CNGA3: variants seen among roughly 807,000 people sequenced by gnomAD.
The protein encoded by CNGA3 is cyclic nucleotide gated channel subunit alpha 3.
Under a neutral mutation model 46.6 loss-of-function variants are expected in CNGA3, and 42 were observed. The observed-to-expected ratio is 0.90, with a 90% confidence interval of 0.70 to 1.17. The LOEUF is 1.17. Among genes scored for constraint, CNGA3 ranks in the 50% most tolerant of loss-of-function variants. The probability of loss-of-function intolerance (pLI) is 0.00; values close to 1 mark genes in which losing one functional copy is unlikely to be tolerated. For missense variants in CNGA3, 893 were observed against 890.7 expected (o/e 1.00, Z -0.03); for synonymous variants, 394 against 369.4 (o/e 1.07, Z -0.76).
Position 98,396,128 on chromosome 2 carries a change from A to G in CNGA3, c.958A>G (p.Ile320Val). The change falls in exon 8 of 8, where the codon ATC becomes GTC. Residue 320 changes from isoleucine (I) to valine (V), a missense_variant. Around this residue, in one of 3 missense-constraint regions of CNGA3, gnomAD observed 548 missense variants for 570.8 expected, o/e 0.96. Transcript: ENST00000272602. ...CATCATCATCCACTGGAATGCCTGC[A>G]TCTACTTTGCCATTTCCAAGTTCAT... ...ILIIIHWNAC[I>V]YFAISKFIGF... 1 of 1,614,230 alleles carries G rather than the reference A, an allele frequency of 6.2e-7. No homozygotes were observed. Among genetic ancestry groups the G allele is most frequent in the Non-Finnish European group, 8.5e-7 (1 of 1,180,038 alleles).
chr2:98,395,567 A>G (rs760294016), intron 7 of CNGA3, among the ~76,000 whole-genome samples: 2 of 152,184 alleles, frequency 1.3e-5, no homozygotes, highest in African/African-American at 4.8e-5. Flanking sequence ...AAATTTAATA[A>G]TCATTCTTTG....
chr2:98,368,103 A>G (rs1447602501), intron 1 of CNGA3, among the ~76,000 whole-genome samples: 1 of 152,268 alleles, frequency 6.6e-6, no homozygotes, highest in Non-Finnish European at 1.5e-5. Flanking sequence ...AATCAAAACA[A>G]TGTTTGATCT....
At chr2:98,392,528 T>C (rs1171853832) in intron 7 of CNGA3, among the ~76,000 whole-genome samples, 4 of 147,216 alleles carry the variant, frequency 2.7e-5, no homozygotes, top group Admixed American at 1.4e-4. Context: ...GCCACTTCAC[T>C]CCAACCTGGG....
intron 1 of CNGA3, among the ~76,000 whole-genome samples, chr2:98,349,824 A>T (rs1691734971): frequency 6.6e-6 from 1 of 152,206 alleles, no homozygotes; most frequent in African/African-American, 2.4e-5. Context: ...CTGATGCTGG[A>T]TCTGGGGCAG....
chr2:98,373,520 C>A (rs545644206), intron 2 of CNGA3, among the ~76,000 whole-genome samples: 21 of 152,212 alleles, frequency 1.4e-4, no homozygotes, highest in Admixed American at 4.6e-4. Flanking sequence ...CTTCCCTGCC[C>A]CAAGGTCTTT....
chr2:98,391,324 G>A (rs1327072411), intron 6 of CNGA3, among the ~76,000 whole-genome samples: 2 of 151,816 alleles, frequency 1.3e-5, no homozygotes, highest in Non-Finnish European at 2.9e-5. Context: ...TCCTTCAGGT[G>A]GGCAGGAGGC....
At chr2:98,371,578 G>A (rs901481118) in intron 2 of CNGA3, among the ~76,000 whole-genome samples, 5 of 152,090 alleles carry the variant, frequency 3.3e-5, no homozygotes, top group South Asian at 2.1e-4. Flanking sequence ...ATTTTAACTC[G>A]GTGCTGGGGC....
chr2:98,359,282 A>G lies in CNGA3; in HGVS notation c.-37-10657A>G, dbSNP rs143885963. On this transcript the variant is annotated intron_variant, in intron 1 of 7. Transcript: ENST00000272602. ...CTTCAGCTTTTGCACATGTATCAGAACGGTGATGTGGTCTCAGCAAGTGTT... is the reference window on the plus strand; with the variant it reads ...CTTCAGCTTTTGCACATGTATCAGAGCGGTGATGTGGTCTCAGCAAGTGTT... 6.9e-3 allele frequency among the ~76,000 whole-genome samples: 1,053 copies of G among 152,310 alleles called. 8 individuals carry two copies. The highest frequency in any genetic ancestry group is 0.024 in the African/African-American group (986 of 41,576).
intron 1 of CNGA3, among the ~76,000 whole-genome samples, chr2:98,357,202 T>A (rs1691903749): frequency 6.6e-6 from 1 of 152,146 alleles, no homozygotes. Flanking sequence ...CAAGAATAAC[T>A]GGAATACAGT....
At chr2:98,383,546 C>A in intron 5 of CNGA3, 105 bp downstream of exon 5, 1 of 1,014,984 alleles carries the variant, frequency 9.9e-7, no homozygotes, top group Non-Finnish European at 1.6e-6. Flanking sequence ...TCCCCACTCC[C>A]AGAGCACCAG....
intron 7 of CNGA3, 148 bp downstream of exon 7, chr2:98,392,118 G>A (rs572401814): frequency 8.2e-5 from 59 of 719,650 alleles, no homozygotes; most frequent in African/African-American, 4.0e-4. Context: ...TAGGTGGTGC[G>A]GCCTCAAGCC....
intron 1 of CNGA3, among the ~76,000 whole-genome samples, chr2:98,365,589 A>G (rs1363281652): frequency 2.7e-5 from 4 of 150,452 alleles, no homozygotes; most frequent in Non-Finnish European, 6.0e-5. Flanking sequence ...TAGTTCTCAG[A>G]GGTTTTGTTC....
intron 1 of CNGA3, among the ~76,000 whole-genome samples, chr2:98,363,805 G>T (rs931440426): frequency 1.3e-5 from 2 of 152,038 alleles, no homozygotes; most frequent in Non-Finnish European, 2.9e-5. Flanking sequence ...ATATCTATCA[G>T]ATCCACTTGA....
intron 1 of CNGA3, among the ~76,000 whole-genome samples, chr2:98,361,410 T>A (rs1574362830): frequency 6.6e-6 from 1 of 152,198 alleles, no homozygotes; most frequent in African/African-American, 2.4e-5. Context: ...TGTACCACAT[T>A]TTCTTTATCT....
At chr2:98,372,296 A>C (rs1031898118) in intron 2 of CNGA3, among the ~76,000 whole-genome samples, 2 of 152,186 alleles carry the variant, frequency 1.3e-5, no homozygotes, top group Non-Finnish European at 2.9e-5. Flanking sequence ...CATTTGCAAA[A>C]TGAATTGCTA....
rs577626530 is a variant in CNGA3 at position 98,351,888 on chromosome 2, T to C, written c.-38+5354T>C. 2.6e-5 allele frequency among the ~76,000 whole-genome samples: 4 copies of C among 152,358 alleles called. No homozygotes were observed. In the South Asian group the frequency reaches 8.3e-4, roughly 32 times the overall value. ...ATTTTCATGCCACAAATGTCACCCA[T>C]TTAAAATGCACATTTCACTGGTTTT... On this transcript the variant is annotated intron_variant, in intron 1 of 7. Transcript: ENST00000272602.
intron 2 of CNGA3, among the ~76,000 whole-genome samples, chr2:98,372,745 CTCAAT>C (rs1329112727): frequency 3.9e-5 from 6 of 152,136 alleles, no homozygotes; most frequent in African/African-American, 1.4e-4. Context: ...TGGTTAAGTG[CTCAAT>C]TGACTCCCAC....
intron 5 of CNGA3, among the ~76,000 whole-genome samples, chr2:98,386,721 GGAA>G (rs749676104): frequency 8.5e-5 from 13 of 152,322 alleles, no homozygotes; most frequent in South Asian, 2.1e-4. Flanking sequence ...GAAAGTAAAT[GGAA>G]GAAGAAGAGA....
At chr2:98,378,474 C>T (rs565388948) in intron 3 of CNGA3, among the ~76,000 whole-genome samples, 9 of 152,332 alleles carry the variant, frequency 5.9e-5, no homozygotes, top group Admixed American at 6.5e-5. Context: ...CCTTCCACCA[C>T]GTGGTTTTTT....
Sources: gnomAD v4.1 joint callset for allele counts (sites outside exome capture counted in the v4.1 genomes callset) on GRCh38, gnomAD v4.1.1 for gene constraint, gnomAD v4.1.1 regional missense constraint, MANE v1.5 for transcripts, NCBI Gene and HGNC (gene_info 2026-07-23, HGNC 2026-07-21) for gene names.